The following NELL1 variants were observed in gnomAD, a reference collection of about 807,000 sequenced individuals.
NELL1 encodes protein kinase C-binding protein NELL1.
In NELL1, 76 loss-of-function variants were observed where a neutral mutation model predicts 107.4. The ratio of observed to expected loss-of-function variants is 0.71; its 90% confidence interval spans 0.59 to 0.86. The LOEUF is 0.86. Ranked by LOEUF, NELL1 falls within the 40% of genes least tolerant of loss-of-function variation. The pLI is 0.00. For missense variants in NELL1, 1,024 were observed against 1,005.5 expected, an observed-to-expected ratio of 1.02 and a Z score of -0.25; for synonymous variants, 353 against 341.2, an observed-to-expected ratio of 1.03 and a Z score of -0.38.
At chr11:20,928,322 C>T in intron 8 of NELL1, 55 bp from the exon 9 acceptor site, 1 of 1,459,610 alleles carries the variant, frequency 6.9e-7, no homozygotes, top group Non-Finnish European at 9.6e-7. Flanking sequence ...ATCTCCACAA[C>T]AGGAGCTATC....
chr11:20,917,005 T>C (rs1346973692), intron 5 of NELL1, among the ~76,000 whole-genome samples: 2 of 151,898 alleles, frequency 1.3e-5, no homozygotes, highest in East Asian at 1.9e-4. Context: ...TTGTCTCAAA[T>C]TGCCACATGT....
intron 16 of NELL1, among the ~76,000 whole-genome samples, chr11:21,548,915 A>G (rs1856508798): frequency 6.6e-6 from 1 of 150,692 alleles, no homozygotes; most frequent in African/African-American, 2.4e-5. Context: ...ATGCTGCTGC[A>G]TACAAGATAA....
chr11:21,201,260 TG>T (rs1857263387), intron 13 of NELL1, among the ~76,000 whole-genome samples: 1 of 152,222 alleles, frequency 6.6e-6, no homozygotes, highest in African/African-American at 2.4e-5. Context: ...TTCCCATTCA[TG>T]ACCATGAAAT....
chr11:21,463,431 A>G (rs1035784797), intron 15 of NELL1, among the ~76,000 whole-genome samples: 1 of 152,086 alleles, frequency 6.6e-6, no homozygotes, highest in African/African-American at 2.4e-5. Context: ...GGACCACTCA[A>G]TCTGTGTTTC....
At chr11:20,966,071 T>C (rs536756007) in intron 12 of NELL1, among the ~76,000 whole-genome samples, 1 of 152,280 alleles carries the variant, frequency 6.6e-6, no homozygotes, top group East Asian at 1.9e-4. Flanking sequence ...GGCTTCAGTC[T>C]CCTAAAGCTC....
At chr11:20,755,555 TG>T (rs1471447607) in intron 2 of NELL1, among the ~76,000 whole-genome samples, 1,493 of 18,214 alleles carry the variant, frequency 0.082, 45 homozygotes, top group African/African-American at 0.13. Flanking sequence ...TTTTTGTTTT[TG>T]TTTTTGTTTT....
intron 4 of NELL1, among the ~76,000 whole-genome samples, chr11:20,884,391 C>A (rs1203806077): frequency 5.3e-5 from 8 of 152,210 alleles, no homozygotes; most frequent in African/African-American, 1.9e-4. Flanking sequence ...AATGATTCCG[C>A]AGCCGTTGCT....
At chr11:20,925,149 G>A (rs1850465933) in intron 7 of NELL1, among the ~76,000 whole-genome samples, 1 of 152,166 alleles carries the variant, frequency 6.6e-6, no homozygotes, top group Admixed American at 6.5e-5. Context: ...CAAACCATAT[G>A]CCATCATCCC....
intron 2 of NELL1, among the ~76,000 whole-genome samples, chr11:20,763,250 C>T (rs889418686): frequency 2.0e-5 from 3 of 152,104 alleles, no homozygotes; most frequent in African/African-American, 4.8e-5. Flanking sequence ...ATTTGAGAAG[C>T]GTGGTAAGAG....
chr11:20,753,946 G>A (rs572688383), intron 2 of NELL1, among the ~76,000 whole-genome samples: 1 of 152,252 alleles, frequency 6.6e-6, no homozygotes, highest in South Asian at 2.1e-4. Flanking sequence ...CAAAACTTCT[G>A]GAACTGTGTC....
chr11:21,406,447 T>C (rs2133804536), intron 15 of NELL1, among the ~76,000 whole-genome samples: 1 of 152,138 alleles, frequency 6.6e-6, no homozygotes. Context: ...GATTATTGTC[T>C]CCCAGTTATG....
At chr11:21,361,525 C>G (rs1296611385) in intron 14 of NELL1, among the ~76,000 whole-genome samples, 1 of 152,012 alleles carries the variant, frequency 6.6e-6, no homozygotes, top group Non-Finnish European at 1.5e-5. Context: ...ATTTGGATGT[C>G]TAGATCTCTA....
intron 12 of NELL1, among the ~76,000 whole-genome samples, chr11:21,076,279 G>A (rs1253439381): frequency 6.6e-6 from 1 of 152,200 alleles, no homozygotes; most frequent in Non-Finnish European, 1.5e-5. Context: ...TGGAGTCAGG[G>A]TTTCCCCTCA....
chr11:20,900,092 G>A (rs1849839558), intron 5 of NELL1, among the ~76,000 whole-genome samples: 1 of 152,086 alleles, frequency 6.6e-6, no homozygotes, highest in African/African-American at 2.4e-5. Context: ...TTCTCCATGG[G>A]TTCATTTGTG....
chr11:21,341,223 G>A lies in NELL1; in HGVS notation c.1550-29630G>A, dbSNP rs1850557133. Among the ~76,000 whole-genome samples the A allele has an allele frequency of 1.3e-5, 2 of 152,134 alleles. 1 individual carries two copies. The highest frequency in any genetic ancestry group is 4.1e-4 in the South Asian group (2 of 4,826). On this transcript the variant is annotated intron_variant, in intron 14 of 19. Coordinates refer to ENST00000357134, the MANE Select transcript of NELL1 (RefSeq NM_006157.5). ...CGTAAGACCACTAGAAATCAGCAAA[G>A]GCAGAATGTTGCAGGTTTGACATCT...
intron 14 of NELL1, among the ~76,000 whole-genome samples, chr11:21,236,844 G>A (rs929061378): frequency 6.6e-5 from 10 of 152,082 alleles, no homozygotes; most frequent in Non-Finnish European, 5.9e-5. Context: ...CTAAACACAC[G>A]TTAAGAAATA....
intron 15 of NELL1, among the ~76,000 whole-genome samples, chr11:21,515,227 C>T (rs1855527718): frequency 1.3e-5 from 2 of 152,166 alleles, no homozygotes; most frequent in South Asian, 4.1e-4. Context: ...TGTTGTGCTT[C>T]TACTTCTTTC....
At chr11:21,399,894 A>G (rs1283436773) in intron 15 of NELL1, among the ~76,000 whole-genome samples, 1 of 151,846 alleles carries the variant, frequency 6.6e-6, no homozygotes, top group Non-Finnish European at 1.5e-5. Context: ...ATGTTAACTC[A>G]AGAAAATAAC....
chr11:20,923,976 G>C (rs1590420658), intron 7 of NELL1, among the ~76,000 whole-genome samples: 1 of 152,156 alleles, frequency 6.6e-6, no homozygotes, highest in Admixed American at 6.5e-5. Flanking sequence ...GGCCTCTGCT[G>C]TCTATCTTTC....
Sources: gnomAD v4.1 joint callset for allele counts (sites outside exome capture counted in the v4.1 genomes callset) on GRCh38, gnomAD v4.1.1 for gene constraint, MANE v1.5 for transcripts, NCBI Gene and HGNC (gene_info 2026-07-23, HGNC 2026-07-21) for gene names.